Variants in GOLM2 observed in about 807,000 individuals in gnomAD.
The protein encoded by GOLM2 is golgi membrane protein 2, also known as protein GOLM2.
In GOLM2, 26 loss-of-function variants were observed where a neutral mutation model predicts 55.9. The ratio of observed to expected loss-of-function variants is 0.47; its 90% CI spans 0.34 to 0.65. The LOEUF (loss-of-function observed/expected upper bound fraction) is 0.65. GOLM2 is among the 30% of genes least tolerant of loss of function. The pLI is 0.01. For synonymous variants in GOLM2, 165 were observed against 194.6 expected (o/e 0.85, Z 1.27); for missense variants, 486 against 531.8 (o/e 0.91, Z 0.85).
At chr15:44,323,253 C>A (rs2078963120) in intron 2 of GOLM2, among the ~76,000 whole-genome samples, 1 of 151,814 alleles carries the variant, frequency 6.6e-6, no homozygotes, top group South Asian at 2.1e-4. Context: ...GAGCTACAGA[C>A]AGGGTTATGC....
intron 1 of GOLM2, among the ~76,000 whole-genome samples, chr15:44,318,418 C>T (rs2078926531): frequency 6.6e-6 from 1 of 152,164 alleles, no homozygotes; most frequent in Non-Finnish European, 1.5e-5. Context: ...TTTAAAATTG[C>T]AAATTGGGAC....
chr15:44,343,823 CAAA>C (rs1201462381), intron 6 of GOLM2, among the ~76,000 whole-genome samples: 7 of 67,264 alleles, frequency 1.0e-4, no homozygotes, highest in Admixed American at 1.7e-4. Context: ...GACTCTGTCT[CAAA>C]AAAAAAAAAA....
intron 6 of GOLM2, among the ~76,000 whole-genome samples, chr15:44,349,181 C>G (rs1377794884): frequency 6.6e-6 from 1 of 151,284 alleles, no homozygotes; most frequent in Admixed American, 6.6e-5. Flanking sequence ...ATCGCTTGAA[C>G]CCGGGATGCA....
rs770054035 is a variant in GOLM2, at chr15:44,338,318, G to A, written c.802+1G>A. 2 of 1,610,514 alleles carry A rather than the reference G, an allele frequency of 1.2e-6. No homozygotes were observed. Among genetic ancestry groups the A allele is most frequent in the Non-Finnish European group, 1.7e-6 (2 of 1,177,070 alleles). ...GCAAAAGTTGATGATCTTCCCCCTG[G>A]TAAGTAAAAATTGTTAGAGAATTCG... On this transcript the variant is annotated splice_donor_variant, in intron 6 of 9. Coordinates refer to ENST00000299957, the MANE Select transcript of GOLM2 (RefSeq NM_138423.4). LOFTEE classifies it high-confidence loss of function.
intron 8 of GOLM2, among the ~76,000 whole-genome samples, chr15:44,401,299 C>G (rs974045222): frequency 6.6e-6 from 1 of 151,870 alleles, no homozygotes; most frequent in African/African-American, 2.4e-5. Flanking sequence ...AGGTCTCACT[C>G]TGTCACCCAG....
rs2078800163 is a variant in GOLM2, at chr15:44,301,884, TC to T, written c.327+12530del. On this transcript the variant is annotated intron_variant, in intron 1 of 9. Coordinates refer to ENST00000299957, the MANE Select transcript of GOLM2 (RefSeq NM_138423.4). ...CCAAGATCATGCCAAGTGCACTCCA[TC>T]CTGGGCTACAGAGGGAGACCCTCTC... is the stretch of plus-strand genomic sequence containing the variant. Among the ~76,000 whole-genome samples the T allele has an allele frequency of 2.7e-5, 4 of 148,340 alleles. No homozygotes were observed. In the South Asian group the frequency reaches 8.6e-4, roughly 32 times the overall value.
chr15:44,337,640 CATT>C, intron 4 of GOLM2, 120 bp from the exon 5 acceptor site: 3 of 646,412 alleles, frequency 4.6e-6, no homozygotes, highest in Middle Eastern at 3.9e-4. Flanking sequence ...TCCAATTGTT[CATT>C]ATTTGAACCC....
intron 1 of GOLM2, among the ~76,000 whole-genome samples, chr15:44,316,407 G>C (rs1440002055): frequency 6.6e-6 from 1 of 152,142 alleles, no homozygotes; most frequent in African/African-American, 2.4e-5. Flanking sequence ...AAGGTGAGGG[G>C]ATGGTGGTGG....
chr15:44,304,230 CTTTTTTTTTTTTT>C (rs895623812), intron 1 of GOLM2, among the ~76,000 whole-genome samples: 3 of 82,874 alleles, frequency 3.6e-5, no homozygotes, highest in Non-Finnish European at 4.7e-5. Flanking sequence ...GGCTCCACTT[CTTTTTTTTTTTTT>C]TTTTTTTTTT....
chr15:44,366,898 T>C (rs995817908), intron 6 of GOLM2, among the ~76,000 whole-genome samples: 6 of 152,130 alleles, frequency 3.9e-5, no homozygotes, highest in Non-Finnish European at 8.8e-5. Flanking sequence ...TAAGGAAGCA[T>C]TGTGGTTAAT....
At chr15:44,317,771 A>T (rs1034493103) in intron 1 of GOLM2, among the ~76,000 whole-genome samples, 2 of 151,994 alleles carry the variant, frequency 1.3e-5, no homozygotes, top group African/African-American at 4.8e-5. Flanking sequence ...TCAAAAAATC[A>T]TTTCCCCAAT....
At chr15:44,386,029 T>A (rs2079441651) in intron 8 of GOLM2, among the ~76,000 whole-genome samples, 1 of 152,228 alleles carries the variant, frequency 6.6e-6, no homozygotes, top group African/African-American at 2.4e-5. Flanking sequence ...GCACGAAAGT[T>A]TTTAATTTTG....
chr15:44,409,756 A>C (rs1011509798), intron 9 of GOLM2: 9 of 151,140 alleles, frequency 6.0e-5, no homozygotes, highest in Admixed American at 4.6e-4. Context: ...AAAAAAAAAA[A>C]AATACAAAAA....
chr15:44,352,730 A>AC (rs2079172823), intron 6 of GOLM2, among the ~76,000 whole-genome samples: 1 of 151,956 alleles, frequency 6.6e-6, no homozygotes, highest in South Asian at 2.1e-4. Context: ...ACATGGTGAA[A>AC]CCCCGTCTCT....
chr15:44,414,324 T>G lies in GOLM2; in HGVS notation c.*918T>G, dbSNP rs1267323465. On this transcript the variant is annotated 3_prime_UTR_variant, in exon 10 of 10. Transcript: ENST00000299957. Reference sequence around the variant, plus strand: ...ATGAGTGCTGATGTGTTTTGGCAGATGAGCTTTCAGCTGAGGCCTGATGGA... The same window carrying G: ...ATGAGTGCTGATGTGTTTTGGCAGAGGAGCTTTCAGCTGAGGCCTGATGGA... The G allele has an allele frequency of 6.6e-6, 1 of 152,248 alleles. No homozygotes were observed. Among genetic ancestry groups the G allele is most frequent in the African/African-American group, 2.4e-5 (1 of 41,464 alleles). 9.4% of individuals were successfully genotyped at this position (152,248 alleles called of 1,614,324 possible).
chr15:44,411,250 G>A (rs1006556826), intron 9 of GOLM2, among the ~76,000 whole-genome samples: 6 of 151,888 alleles, frequency 4.0e-5, no homozygotes, highest in African/African-American at 1.4e-4. Context: ...TCAAACTCCT[G>A]AGCTCAAGTG....
chr15:44,309,651 A>G (rs2078860542), intron 1 of GOLM2, among the ~76,000 whole-genome samples: 1 of 152,228 alleles, frequency 6.6e-6, no homozygotes, highest in Admixed American at 6.5e-5. Flanking sequence ...TTTACATAGT[A>G]ATAGCTAATG....
chr15:44,292,878 G>A (rs1051296560), intron 1 of GOLM2, among the ~76,000 whole-genome samples: 4 of 152,016 alleles, frequency 2.6e-5, no homozygotes, highest in African/African-American at 9.7e-5. Flanking sequence ...GCAGTGGTGC[G>A]ATCATAGTTT....
At chr15:44,291,672 G>T (rs1037581111) in intron 1 of GOLM2, among the ~76,000 whole-genome samples, 2 of 152,088 alleles carry the variant, frequency 1.3e-5, no homozygotes, top group Non-Finnish European at 2.9e-5. Flanking sequence ...TGTTATACTG[G>T]ACTCTCCAGT....
Sources: allele counts gnomAD v4.1 joint callset (sites outside exome capture counted in the v4.1 genomes callset), GRCh38; gene constraint gnomAD v4.1.1; transcripts MANE v1.5; gene names NCBI Gene and HGNC (gene_info 2026-07-23, HGNC 2026-07-21).